Variants in CLIC3 observed in about 807,000 individuals in gnomAD.
The protein encoded by CLIC3 is CLIC family member 3, also known as chloride intracellular channel protein 3.
A neutral mutation model predicts 19.9 loss-of-function variants in CLIC3; 29 were observed. That is an observed-to-expected ratio of 1.46 (90% CI 1.09 to 1.99). CLIC3 has a LOEUF of 1.99. CLIC3 is among the 30% of genes most tolerant of loss of function. CLIC3 has a pLI of 0.00. For synonymous variants in CLIC3, 143 were observed against 156.4 expected (o/e 0.91, Z 0.64); for missense variants, 365 against 342.6 (o/e 1.07, Z -0.52).
intron 2 of CLIC3, 27 bp from the exon 3 acceptor site, chr9:136,995,594 G>T (rs1309836916): frequency 6.2e-7 from 1 of 1,610,836 alleles, no homozygotes; most frequent in African/African-American, 1.3e-5. Context: ...GGTGGGAGGA[G>T]GCCGGCCCAC....
Position 136,994,943 on chromosome 9 carries a change from A to C in CLIC3, c.539T>G (p.Leu180Arg). 2 of 1,331,052 alleles carry C rather than the reference A, an allele frequency of 1.5e-6. No individual in the cohort carries two copies. Among genetic ancestry groups the C allele is most frequent in the Non-Finnish European group, 2.0e-6 (2 of 1,025,176 alleles). 82.5% of individuals were successfully genotyped at this position (1,331,052 alleles called of 1,614,324 possible). ...TLADCSLLPK[L>R]HIVDTVCAHF... ...TTCCGTGCTCACGTCGACGATGTGC[A>C]GCTTGGGCAGGAGGCTGCAGTCGGC... The change falls in exon 5 of 6, where the codon CTG becomes CGG. Residue 180 changes from leucine to arginine, a missense_variant. Physicochemically the swap from Leu to Arg is moderately radical, Grantham distance 102. Transcript: ENST00000494426.
chr9:136,996,537 C>T lies in CLIC3; in HGVS notation c.7G>A (p.Glu3Lys), dbSNP rs368911023. Reference sequence around the variant, plus strand: ...TTGACAAACAGCTGGAGCTTGGTCTCCGCCATGGTGGGAGCTGCCGCGGTC... The same window carrying T: ...TTGACAAACAGCTGGAGCTTGGTCTTCGCCATGGTGGGAGCTGCCGCGGTC... The part of the protein sequence containing the change: MA[E>K]TKLQLFVKAS... The change falls in exon 1 of 6, where the codon GAG becomes AAG. Residue 3 changes from glutamate to lysine, a missense_variant. Physicochemically the swap from Glu to Lys is moderately conservative, Grantham distance 56. Coordinates refer to ENST00000494426, the MANE Select transcript of CLIC3 (RefSeq NM_004669.3). The T allele has an allele frequency of 1.2e-5, 18 of 1,554,482 alleles. No individual in the cohort carries two copies. The highest frequency in any genetic ancestry group is 1.6e-5 in the Non-Finnish European group (18 of 1,148,616).
chr9:136,996,249 C>T (rs778243634), intron 1 of CLIC3, among the ~76,000 whole-genome samples: 9 of 152,160 alleles, frequency 5.9e-5, no homozygotes, highest in South Asian at 4.1e-4. Context: ...TACCTCCCCA[C>T]CAAGGAGCTC....
Position 136,995,621 on chromosome 9 carries a change from G to C in CLIC3, c.143+27C>G, listed in dbSNP as rs747229512. On this transcript the variant is annotated intron_variant, in intron 2 of 5. Transcript: ENST00000494426. ...CCGGCCCACCAGTGTGCGAGGCCAG[G>C]CGGGGGTCCACAGGATGGGGCCTCA... 1.9e-6 allele frequency: 3 copies of C among 1,609,462 alleles called. No homozygotes were observed. In the East Asian group the frequency reaches 6.7e-5, roughly 36 times the overall value.
At position 136,994,742 on chromosome 9, in the gene CLIC3, T is replaced by C; in HGVS notation, c.650A>G (p.Tyr217Cys). The change falls in exon 6 of 6, where the codon TAC becomes TGC. Residue 217 changes from tyrosine (Y) to cysteine (C), a missense_variant. Coordinates refer to ENST00000494426, the MANE Select transcript of CLIC3 (RefSeq NM_004669.3). ...DSAMQEKEFK[Y>C]TCPHSAEILA... ...GATCTCGGCGCTGTGCGGACACGTG[T>C]ATTTGAACTCTTTCTCCTGCATCGC... 1.2e-6 allele frequency: 2 copies of C among 1,609,410 alleles called. No homozygotes were observed. Among genetic ancestry groups the C allele is most frequent in the Non-Finnish European group, 1.7e-6 (2 of 1,178,600 alleles).
intron 1 of CLIC3, 68 bp from the exon 2 acceptor site, chr9:136,995,825 G>GGTCCCGCCCAGCCT: frequency 2.6e-6 from 3 of 1,135,446 alleles, no homozygotes; most frequent in Non-Finnish European, 3.8e-6. Context: ...CCGCCAGGCT[G>GGTCCCGCCCAGCCT]GGCGGGACCC....
chr9:136,994,643 A>G lies in CLIC3; in HGVS notation c.*38T>C. ...TGTCAGGACACCCTCACTCCCGACAAAGATGCCTTTATTGGGCGACAGACG... is the reference window on the plus strand; with the variant it reads ...TGTCAGGACACCCTCACTCCCGACAGAGATGCCTTTATTGGGCGACAGACG... On this transcript the variant is annotated 3_prime_UTR_variant, in exon 6 of 6. Transcript: ENST00000494426. The G allele has an allele frequency of 1.3e-6, 2 of 1,588,064 alleles. No individual in the cohort carries two copies. The highest frequency in any genetic ancestry group is 8.6e-7 in the Non-Finnish European group (1 of 1,166,856).
chr9:136,995,105 G>A lies in CLIC3; in HGVS notation c.377C>T (p.Ala126Val). 1 of 1,554,914 alleles carries A rather than the reference G, an allele frequency of 6.4e-7. No homozygotes were observed. Among genetic ancestry groups the A allele is most frequent in the South Asian group, 1.2e-5 (1 of 84,826 alleles). ...IKNPVPAQDE[A>V]LYQQLLRALA... ...GGCGCGCAGCAGCTGCTGGTACAGG[G>A]CTAGGGGGCAGGCGGCGCGGTGAGG... The change falls in exon 5 of 6, where the codon GCC becomes GTC. Residue 126 changes from alanine (A) to valine (V), a missense_variant and splice_region_variant. Physicochemically the swap from Ala to Val is moderately conservative, Grantham distance 64. Coordinates refer to ENST00000494426, the MANE Select transcript of CLIC3 (RefSeq NM_004669.3).
rs374472324 is a variant in CLIC3 at position 136,994,695 on chromosome 9, C to T, written c.697G>A (p.Val233Met). ...GGGGTGGGGCGCTAGCGGGGGTGCA[C>T]GGCGGGCCGGTAGGCCGCCAGGATC... ...AEILAAYRPA[V>M]HPR The change falls in exon 6 of 6, where the codon GTG becomes ATG. Residue 233 changes from valine to methionine, a missense_variant. Transcript: ENST00000494426. 8.7e-6 allele frequency: 14 copies of T among 1,608,922 alleles called. No individual in the cohort carries two copies. Among genetic ancestry groups the T allele is most frequent in the Admixed American group, 5.0e-5 (3 of 59,730 alleles).
In CLIC3 at chr9:136,995,178, C is replaced by T. The variant is rs1830682795; in HGVS notation, c.376+8G>A. ...GCCTGGGCACCCGACCCCCTGACCC[C>T]GCTTCACCTTCGTCCTGCGCGGGCA... On this transcript the variant is annotated splice_region_variant and intron_variant, in intron 4 of 5. Transcript: ENST00000494426. 6.2e-7 allele frequency: 1 copy of T among 1,610,046 alleles called. No homozygotes were observed. The highest frequency in any genetic ancestry group is 8.5e-7 in the Non-Finnish European group (1 of 1,178,812).
Position 136,995,457 on chromosome 9 carries a change from G to A in CLIC3, c.254C>T (p.Thr85Met). ...TLQIEDFLEE[T>M]LGPPDFPSLA... The stretch of plus-strand genomic sequence containing the variant: ...GGGCTCTCACTCGGGCGGCCCCAGC[G>A]TCTCCTCCAGAAAGTCCTCGATCTG... The change falls in exon 3 of 6, where the codon ACG becomes ATG. Residue 85 changes from threonine to methionine, a missense_variant. By Grantham distance (81) the Thr-to-Met change is moderately conservative. Transcript: ENST00000494426. 1 of 1,612,468 alleles carries A rather than the reference G, an allele frequency of 6.2e-7. No homozygotes were observed. The highest frequency in any genetic ancestry group is 2.2e-5 in the East Asian group (1 of 44,874).
rs1830683169 is a variant in CLIC3 at position 136,995,192 on chromosome 9, C to T, written c.370G>A (p.Asp124Asn). The part of the protein sequence containing the change: ...AFIKNPVPAQ[D>N]EALYQQLLRA... ...CCCCCTGACCCCGCTTCACCTTCGT[C>T]CTGCGCGGGCACCGGGTTCTTGATG... is the stretch of plus-strand genomic sequence containing the variant. The change falls in exon 4 of 6, where the codon GAC becomes AAC. Residue 124 changes from aspartate to asparagine, a missense_variant. By Grantham distance (23) the Asp-to-Asn change is conservative. Coordinates refer to ENST00000494426, the MANE Select transcript of CLIC3 (RefSeq NM_004669.3). The T allele has an allele frequency of 1.2e-6, 2 of 1,612,266 alleles. No individual in the cohort carries two copies. The highest frequency in any genetic ancestry group is 8.5e-7 in the Non-Finnish European group (1 of 1,179,666).
chr9:136,995,842 C>T, intron 1 of CLIC3, 85 bp from the exon 2 acceptor site: 1 of 930,402 alleles, frequency 1.1e-6, no homozygotes, highest in Non-Finnish European at 1.6e-6. Flanking sequence ...ACCCGCCTCC[C>T]ACTGCCAGTG....
rs1025971821 is a variant in CLIC3 at position 136,995,762 on chromosome 9, G to T, written c.34-5C>A. 9.0e-6 allele frequency: 14 copies of T among 1,548,154 alleles called. No homozygotes were observed. The highest frequency in any genetic ancestry group is 4.7e-5 in the East Asian group (2 of 42,308). On this transcript the variant is annotated splice_region_variant and splice_polypyrimidine_tract_variant and intron_variant, in intron 1 of 5. Transcript: ENST00000494426. ...GCTCTCCCCGTCCTCACTCGCCTGG[G>T]TGGGTGGAGCGGGGGTGGGGGGTCA... is the stretch of plus-strand genomic sequence containing the variant.
intron 5 of CLIC3, 24 bp from the exon 6 acceptor site, chr9:136,994,863 G>T: frequency 6.6e-7 from 1 of 1,517,316 alleles, no homozygotes. Flanking sequence ...CGCGGGGCGC[G>T]GTCAGGACCT....
chr9:136,994,887 C>T, intron 5 of CLIC3, 43 bp downstream of exon 5: 1 of 1,477,596 alleles, frequency 6.8e-7, no homozygotes, highest in Non-Finnish European at 8.9e-7. Flanking sequence ...GTCCCCCAGG[C>T]GCGCCGCGGT....
At position 136,994,929 on chromosome 9, in the gene CLIC3, C is replaced by T; in HGVS notation, c.552+1G>A. The T allele has an allele frequency of 1.2e-5, 18 of 1,486,110 alleles. No homozygotes were observed. Among genetic ancestry groups the T allele is most frequent in the Non-Finnish European group, 1.4e-5 (16 of 1,124,366 alleles). 92.1% of individuals were successfully genotyped at this position (1,486,110 alleles called of 1,614,324 possible). ...CCCGCCCGCCCACCTTCCGTGCTCA[C>T]GTCGACGATGTGCAGCTTGGGCAGG... On this transcript the variant is annotated splice_donor_variant, in intron 5 of 5. Transcript: ENST00000494426. LOFTEE classifies it high-confidence loss of function.
rs1420958615 is a variant in CLIC3 at position 136,995,569 on chromosome 9, T to C, written c.144-2A>G. The C allele has an allele frequency of 6.8e-6, 11 of 1,611,500 alleles. No homozygotes were observed. Among genetic ancestry groups the C allele is most frequent in the Admixed American group, 5.0e-5 (3 of 59,938 alleles). On this transcript the variant is annotated splice_acceptor_variant, in intron 2 of 5. Coordinates refer to ENST00000494426, the MANE Select transcript of CLIC3 (RefSeq NM_004669.3). LOFTEE classifies it high-confidence loss of function. ...AAGTCCTTCAGCACGTCCGGGGACC[T>C]GCGGGCAGCAGCGGGGTGGGAGGAG... is the stretch of plus-strand genomic sequence containing the variant.
In CLIC3 at chr9:136,994,830, C is replaced by G. The variant is rs369494349; in HGVS notation, c.562G>C (p.Ala188Pro). Residue 188 changes from alanine (A) to proline (P), a missense_variant, in exon 6 of 6, where the codon GCG (alanine) becomes CCG (proline). Ala to Pro is a conservative substitution (Grantham distance 27). Coordinates refer to ENST00000494426, the MANE Select transcript of CLIC3 (RefSeq NM_004669.3). ...GGGATGGGCGCCTGGCGGAAGTGCGCGCACACCGTCTGCGGGCAGGATCGC... is the reference window on the plus strand; with the variant it reads ...GGGATGGGCGCCTGGCGGAAGTGCGGGCACACCGTCTGCGGGCAGGATCGC... ...PKLHIVDTVCAHFRQAPIPAE... is the reference protein window; with the variant it reads ...PKLHIVDTVCPHFRQAPIPAE... The G allele has an allele frequency of 6.4e-7, 1 of 1,564,964 alleles. No homozygotes were observed. The highest frequency in any genetic ancestry group is 8.6e-7 in the Non-Finnish European group (1 of 1,156,760).
Sources: allele counts gnomAD v4.1 joint callset (sites outside exome capture counted in the v4.1 genomes callset), GRCh38; gene constraint gnomAD v4.1.1; transcripts MANE v1.5; gene names NCBI Gene and HGNC (gene_info 2026-07-23, HGNC 2026-07-21).